MSR1: variants seen among roughly 807,000 people sequenced by gnomAD.
MSR1 encodes the protein macrophage scavenger receptor 1.
In MSR1, 53 loss-of-function variants were observed where a neutral mutation model predicts 47.2. The observed-to-expected ratio is 1.12, with a 90% confidence interval of 0.90 to 1.41. MSR1 has a LOEUF of 1.41. Among genes scored for constraint, MSR1 ranks in the 40% most tolerant of loss-of-function variants. MSR1 has a pLI of 0.00. For synonymous variants in MSR1, 239 were observed against 185.6 expected (o/e 1.29, Z -2.34); for missense variants, 786 against 546.9 (o/e 1.44, Z -4.36).
chr8:16,117,853 T>C (rs1013717166), intron 9 of MSR1, among the ~76,000 whole-genome samples: 2 of 152,102 alleles, frequency 1.3e-5, no homozygotes, highest in East Asian at 3.9e-4. Flanking sequence ...TACATCATAA[T>C]AAGTTGTATA....
At chr8:16,135,449 C>G (rs188633004) in intron 8 of MSR1, among the ~76,000 whole-genome samples, 2 of 152,084 alleles carry the variant, frequency 1.3e-5, no homozygotes, top group African/African-American at 4.8e-5. Context: ...ACTGTTGAGA[C>G]TTATTGCTGA....
chr8:16,168,639 T>C lies in MSR1; in HGVS notation c.449A>G (p.Gln150Arg). Residue 150 changes from glutamine (Q) to arginine (R), a missense_variant, in exon 4 of 10, where the codon CAA (glutamine) becomes CGA (arginine). By Grantham distance (43) the Gln-to-Arg change is conservative. Transcript: ENST00000262101. ...HFQNFSMTTD[Q>R]RFNDILLQLS... ...CTGCAGAAGAATGTCATTAAATCTT[T>C]GATCAGTTGTCATGCTGAAATTTTG... 3.1e-6 allele frequency: 5 copies of C among 1,614,132 alleles called. No individual in the cohort carries two copies. The highest frequency in any genetic ancestry group is 4.2e-6 in the Non-Finnish European group (5 of 1,179,984).
intron 1 of MSR1, among the ~76,000 whole-genome samples, chr8:16,185,091 G>A (rs1352231586): frequency 6.6e-6 from 1 of 151,802 alleles, no homozygotes; most frequent in Non-Finnish European, 1.5e-5. Context: ...TTTGCTTTCT[G>A]GGCAATGTTC....
intron 8 of MSR1, among the ~76,000 whole-genome samples, chr8:16,138,591 C>G (rs1332015775): frequency 6.6e-6 from 1 of 152,046 alleles, no homozygotes; most frequent in Non-Finnish European, 1.5e-5. Context: ...TTAACTGAAT[C>G]CCTGGAATTG....
At chr8:16,142,293 T>C (rs540741414) in intron 8 of MSR1, among the ~76,000 whole-genome samples, 6 of 152,186 alleles carry the variant, frequency 3.9e-5, no homozygotes, top group African/African-American at 1.4e-4. Flanking sequence ...ATGGTGCCAC[T>C]GCACTCCATC....
intron 5 of MSR1, among the ~76,000 whole-genome samples, chr8:16,156,320 G>A (rs1187568579): frequency 2.6e-5 from 4 of 151,866 alleles, no homozygotes. Context: ...AATCAGGTGG[G>A]AGACATAATA....
intron 2 of MSR1, among the ~76,000 whole-genome samples, chr8:16,177,299 G>A (rs956063132): frequency 4.6e-5 from 7 of 152,058 alleles, no homozygotes; most frequent in African/African-American, 1.4e-4. Context: ...AATGACTGAT[G>A]TCTTTGTAAG....
intron 1 of MSR1, among the ~76,000 whole-genome samples, chr8:16,186,637 C>CTTT (rs5889637): frequency 2.1e-5 from 3 of 143,728 alleles, no homozygotes; most frequent in African/African-American, 7.6e-5. Flanking sequence ...CGTGACATTT[C>CTTT]TTTTTTTTTT....
At chr8:16,173,450 T>C (rs955678538) in intron 3 of MSR1, among the ~76,000 whole-genome samples, 4 of 152,216 alleles carry the variant, frequency 2.6e-5, no homozygotes, top group Non-Finnish European at 4.4e-5. Flanking sequence ...CAGATAAGCA[T>C]AGACATAAAC....
rs1481588330 is a variant in MSR1 at position 16,183,994 on chromosome 8, A to G, written c.-4-6002T>C. Reference sequence around the variant, plus strand: ...AGGTAGGAATACAGAAAAGATGACAATGAATCAGGGTTTTGAAAATGAGCA... The same window carrying G: ...AGGTAGGAATACAGAAAAGATGACAGTGAATCAGGGTTTTGAAAATGAGCA... On this transcript the variant is annotated intron_variant, in intron 1 of 9. Coordinates refer to ENST00000262101, the MANE Select transcript of MSR1 (RefSeq NM_138715.3). Among the ~76,000 whole-genome samples the G allele has an allele frequency of 8.7e-5, 13 of 150,102 alleles. No individual in the cohort carries two copies. The Admixed American group carries it at 8.8e-4, about 10-fold the overall frequency.
chr8:16,186,626 C>G (rs1397115583), intron 1 of MSR1, among the ~76,000 whole-genome samples: 2 of 148,180 alleles, frequency 1.3e-5, no homozygotes. Flanking sequence ...ATCCCTTTCA[C>G]CGTGACATTT....
At chr8:16,159,753 T>G (rs186090737) in intron 5 of MSR1, among the ~76,000 whole-genome samples, 1,688 of 151,966 alleles carry the variant, frequency 0.011, 33 homozygotes, top group African/African-American at 0.038. Context: ...TCACATTAAG[T>G]ATTCTCTTGT....
At chr8:16,118,810 T>C (rs1270903397) in intron 9 of MSR1, among the ~76,000 whole-genome samples, 1 of 152,158 alleles carries the variant, frequency 6.6e-6, no homozygotes, top group African/African-American at 2.4e-5. Flanking sequence ...TTTTTTCTTT[T>C]TCCTCTTCTC....
chr8:16,142,628 GT>G (rs2117112409), intron 8 of MSR1, among the ~76,000 whole-genome samples: 1 of 152,190 alleles, frequency 6.6e-6, no homozygotes, highest in African/African-American at 2.4e-5. Context: ...AAATAATTAG[GT>G]TTTGTAGGGC....
At chr8:16,190,144 C>G (rs532946925) in intron 1 of MSR1, among the ~76,000 whole-genome samples, 1 of 152,124 alleles carries the variant, frequency 6.6e-6, no homozygotes, top group South Asian at 2.1e-4. Flanking sequence ...GTGATCCACC[C>G]TCCTTGGCCT....
intron 5 of MSR1, among the ~76,000 whole-genome samples, chr8:16,160,343 A>G (rs1430164579): frequency 6.6e-6 from 1 of 152,084 alleles, no homozygotes; most frequent in African/African-American, 2.4e-5. Context: ...CTTGGAAACC[A>G]GGAAGAATGA....
At chr8:16,148,155 T>C (rs936679083) in intron 7 of MSR1, among the ~76,000 whole-genome samples, 3 of 152,166 alleles carry the variant, frequency 2.0e-5, no homozygotes, top group African/African-American at 7.2e-5. Context: ...CTCCTTACTC[T>C]CTACTTCCAT....
intron 7 of MSR1, among the ~76,000 whole-genome samples, chr8:16,145,140 A>C (rs1028448713): frequency 1.3e-5 from 2 of 152,124 alleles, no homozygotes; most frequent in South Asian, 2.1e-4. Context: ...TCAGGTCATA[A>C]TATCAAATTT....
chr8:16,172,948 T>C (rs183084361), intron 3 of MSR1, among the ~76,000 whole-genome samples: 147 of 152,308 alleles, frequency 9.7e-4, no homozygotes, highest in African/African-American at 3.4e-3. Flanking sequence ...CAAGTAGAGA[T>C]ATATATTGCT....
Sources: allele counts gnomAD v4.1 joint callset (sites outside exome capture counted in the v4.1 genomes callset), GRCh38; gene constraint gnomAD v4.1.1; transcripts MANE v1.5; gene names NCBI Gene and HGNC (gene_info 2026-07-23, HGNC 2026-07-21).